Variants in ABCC6 observed in about 807,000 individuals in gnomAD.
ABCC6 encodes the protein ATP-binding cassette sub-family C member 6.
In ABCC6, 126 loss-of-function variants were observed where a neutral mutation model predicts 169.5. That is an observed-to-expected ratio of 0.74 (90% CI 0.64 to 0.86). ABCC6 has a LOEUF of 0.86. ABCC6 is among the 40% of genes least tolerant of loss of function. The probability of loss-of-function intolerance (pLI) is 0.00; values close to 1 mark genes in which losing one functional copy is unlikely to be tolerated. For synonymous variants in ABCC6, 752 were observed against 814.7 expected, an observed-to-expected ratio of 0.92 and a Z score of 1.31; for missense variants, 1,733 against 1,927.2, an observed-to-expected ratio of 0.90 and a Z score of 1.89.
chr16:16,150,512 TG>T, intron 30 of ABCC6, 65 bp downstream of exon 30: 1 of 1,564,948 alleles, frequency 6.4e-7, no homozygotes, highest in Non-Finnish European at 8.7e-7. Context: ...GGCCCAGGAC[TG>T]CCTCCGCCTC....
At position 16,177,470 on chromosome 16, in the gene ABCC6, C is replaced by T; in HGVS notation, c.2572G>A (p.Gly858Arg). 6.2e-7 allele frequency: 1 copy of T among 1,614,182 alleles called. No individual in the cohort carries two copies. Among genetic ancestry groups the T allele is most frequent in the Non-Finnish European group, 8.5e-7 (1 of 1,180,048 alleles). ...MCLLDQARQP[G>R]DRGEGETEPG... ...CTAGTACCTCCTTCTCCTCTATCTC[C>T]TGGCTGTCTGGCTTGATCCAGAAGA... Residue 858 changes from glycine to arginine, a missense_variant, in exon 19 of 31, where the codon GGA becomes AGA. Physicochemically the swap from Gly to Arg is moderately radical, Grantham distance 125. Coordinates refer to ENST00000205557, the MANE Select transcript of ABCC6 (RefSeq NM_001171.6).
chr16:16,166,651 G>A (rs551870659), intron 22 of ABCC6, among the ~76,000 whole-genome samples: 1 of 152,088 alleles, frequency 6.6e-6, no homozygotes, highest in South Asian at 2.1e-4. Context: ...AGGCCAAGGC[G>A]GGTGGATCAC....
rs114303883 is a variant in ABCC6 at position 16,182,534 on chromosome 16, C to T, written c.2125G>A (p.Glu709Lys). ...AGCTCCTGCCCGAAGCACACATTCT[C>T]TACCACAGAGGTGTTCTGCACCCAG... The part of the protein sequence containing the change: ...EAWVQNTSVV[E>K]NVCFGQELDP... Residue 709 changes from glutamate (E) to lysine (K), a missense_variant, in exon 17 of 31, where the codon GAG becomes AAG. Glu to Lys is a moderately conservative substitution (Grantham distance 56, BLOSUM62 1). Transcript: ENST00000205557. 45 of 1,614,080 alleles carry T rather than the reference C, an allele frequency of 2.8e-5. No individual in the cohort carries two copies. The East Asian group carries it at 3.3e-4, about 12-fold the overall frequency.
chr16:16,202,118 G>A lies in ABCC6; in HGVS notation c.1059C>T (p.Ala353=), dbSNP rs150016641. The A allele has an allele frequency of 1.9e-4, 313 of 1,613,948 alleles. No individual in the cohort carries two copies. The African/African-American group carries it at 2.8e-3, about 14-fold the overall frequency. The stretch of plus-strand genomic sequence containing the variant: ...GGCAGGCTGAGAGGAACATCAGCAC[G>A]GCGAGGAGGTAGCCCTTCCAGGCTG... ...KPPAWKGYLL[A]VLMFLSACLQ... is the part of the protein sequence containing the mutation. Residue 353 remains alanine (A), a synonymous_variant, in exon 9 of 31, where the codon GCC becomes GCT. Coordinates refer to ENST00000205557, the MANE Select transcript of ABCC6 (RefSeq NM_001171.6).
chr16:16,172,266 G>C (rs371888845), intron 21 of ABCC6, among the ~76,000 whole-genome samples: 37 of 135,584 alleles, frequency 2.7e-4, no homozygotes, highest in South Asian at 5.1e-4. Flanking sequence ...GGGTGGGATG[G>C]ATAAATGAGT....
chr16:16,182,752 T>C (rs1330043395), intron 16 of ABCC6, 52 bp downstream of exon 16: 2 of 1,611,474 alleles, frequency 1.2e-6, no homozygotes, highest in African/African-American at 1.3e-5. Context: ...AGCGAGGAAG[T>C]GGGACTTTCA....
At chr16:16,162,855 T>C (rs1439082557) in intron 24 of ABCC6, 138 bp downstream of exon 24, 22 of 1,139,952 alleles carry the variant, frequency 1.9e-5, no homozygotes, top group Non-Finnish European at 2.8e-5. Context: ...TGAGAACTGA[T>C]AGACTGCCTG....
intron 24 of ABCC6, 121 bp from the exon 25 acceptor site, chr16:16,161,685 C>T: frequency 7.6e-7 from 1 of 1,309,088 alleles, no homozygotes; most frequent in Non-Finnish European, 1.1e-6. Context: ...GCAATGGCCT[C>T]CACATGCAAC....
In ABCC6 at chr16:16,157,676, T is replaced by C. The variant is rs763831330; in HGVS notation, c.3869A>G (p.His1290Arg). Residue 1290 changes from histidine (H) to arginine (R), a missense_variant, in exon 27 of 31, where the codon CAC (histidine) becomes CGC (arginine). By Grantham distance (29) the His-to-Arg change is conservative. This residue lies in a region of ABCC6 where 1,601 missense variants were observed against 1,635.5 expected (regional missense o/e 0.98). Transcript: ENST00000205557. Reference protein sequence around the residue: ...LAVQGVSFKIHAGEKVGIVGR... With the variant: ...LAVQGVSFKIRAGEKVGIVGR... The stretch of plus-strand genomic sequence containing the variant: ...AGAACCACTCACCTTCTCTCCTGCG[T>C]GGATCTTGAAGGACACGCCCTGCAC... 1 of 1,614,120 alleles carries C rather than the reference T, an allele frequency of 6.2e-7. No homozygotes were observed. The highest frequency in any genetic ancestry group is 8.5e-7 in the Non-Finnish European group (1 of 1,180,000).
At position 16,192,941 on chromosome 16, in the gene ABCC6, G is replaced by C. The variant is rs1244598877; in HGVS notation, c.1339-19C>G. 5.0e-6 allele frequency: 8 copies of C among 1,607,616 alleles called. No homozygotes were observed. Among genetic ancestry groups the C allele is most frequent in the Non-Finnish European group, 6.0e-6 (7 of 1,174,464 alleles). ...CCAGGAGCTGGGGATAGAAGGGGCA[G>C]GATGTCAGGAGATCCCGAGGAGCCC... On this transcript the variant is annotated intron_variant, in intron 10 of 30. Coordinates refer to ENST00000205557, the MANE Select transcript of ABCC6 (RefSeq NM_001171.6).
At chr16:16,213,591 G>A (rs2048729169) in intron 5 of ABCC6, among the ~76,000 whole-genome samples, 1 of 120,866 alleles carries the variant, frequency 8.3e-6, no homozygotes, top group Non-Finnish European at 1.6e-5. Flanking sequence ...GTGGAGTTCC[G>A]CTCTTGTTGC....
At chr16:16,188,740 C>G in intron 13 of ABCC6, 91 bp downstream of exon 13, 1 of 1,500,974 alleles carries the variant, frequency 6.7e-7, no homozygotes, top group Non-Finnish European at 9.1e-7. Context: ...TGTCTTCCCT[C>G]TCCTCTGCAA....
intron 9 of ABCC6, among the ~76,000 whole-genome samples, chr16:16,198,465 C>T (rs4780601): frequency 4.6e-5 from 7 of 152,174 alleles, no homozygotes; most frequent in South Asian, 2.1e-4. Context: ...CTCACCATGT[C>T]GCAGGCACTG....
rs57745014 is a variant in ABCC6 at position 16,155,077 on chromosome 16, T to C, written c.3883-46A>G. ...AGGCCTGCTCTGACCAGAGGGTTTG[T>C]GGGCATTTATTGGGGAGATCTTTCT... On this transcript the variant is annotated intron_variant, in intron 27 of 30. Transcript: ENST00000205557. The C allele has an allele frequency of 3.7e-3, 5,688 of 1,533,288 alleles. 25 individuals carry two copies. The highest frequency in any genetic ancestry group is 4.1e-3 in the Non-Finnish European group (4,685 of 1,139,454). The allele number at this position is 1,533,288 out of a possible 1,614,324, so 95.0% of individuals were successfully genotyped here. A position where few individuals can be genotyped will look rare whatever the true frequency, so the allele number is the denominator to read the frequency against.
rs1370339579 is a variant in ABCC6, at chr16:16,188,969, T to A, written c.1641A>T (p.Ala547=). 1 of 1,612,708 alleles carries A rather than the reference T, an allele frequency of 6.2e-7. No homozygotes were observed. Among genetic ancestry groups the A allele is most frequent in the Admixed American group, 1.7e-5 (1 of 59,984 alleles). ...GAGTGTGGACAGCAAACACCACCAG[T>A]GCGACCTGGGGGGTGGGGGGGACAC... The part of the protein sequence containing the change: ...VSFQVSTFLV[A]LVVFAVHTLV... Residue 547 remains alanine, a synonymous_variant, in exon 13 of 31, where the codon GCA becomes GCT. Transcript: ENST00000205557.
In ABCC6 at chr16:16,157,765, A is replaced by C. The variant is rs1173703662; in HGVS notation, c.3780T>G (p.Pro1260=). The part of the protein sequence containing the change: ...LPTCAAQPPW[P]QGGQIEFRDF... The stretch of plus-strand genomic sequence containing the variant: ...CCCGGAACTCGATCTGCCCGCCCTG[A>C]GGCCAGGGGGGCTGAGCTGCACATG... The change falls in exon 27 of 31, where the codon CCT becomes CCG. Residue 1260 remains proline, a synonymous_variant. Coordinates refer to ENST00000205557, the MANE Select transcript of ABCC6 (RefSeq NM_001171.6). 4 of 1,613,590 alleles carry C rather than the reference A, an allele frequency of 2.5e-6. No individual in the cohort carries two copies. Among genetic ancestry groups the C allele is most frequent in the Non-Finnish European group, 3.4e-6 (4 of 1,179,984 alleles).
chr16:16,180,350 G>A (rs1183499607), intron 17 of ABCC6, among the ~76,000 whole-genome samples: 2 of 152,066 alleles, frequency 1.3e-5, no homozygotes, highest in African/African-American at 4.8e-5. Context: ...TTTGTATTGC[G>A]AACACAACCA....
At chr16:16,168,302 G>GCCTGGTGGCTCATGCCTGTGATCC (rs1567482473) in intron 22 of ABCC6, among the ~76,000 whole-genome samples, 5 of 151,914 alleles carry the variant, frequency 3.3e-5, no homozygotes, top group Non-Finnish European at 2.9e-5. Context: ...ACCAGCCTGG[G>GCCTGGTGGCTCATGCCTGTGATCC]CAACACGGCG....
At chr16:16,197,417 A>G (rs1279628856) in intron 10 of ABCC6, among the ~76,000 whole-genome samples, 1 of 150,736 alleles carries the variant, frequency 6.6e-6, no homozygotes, top group Non-Finnish European at 1.5e-5. Flanking sequence ...GAGGAGGAGA[A>G]GGAGGAGATG....
Sources: gnomAD v4.1 joint callset for allele counts (sites outside exome capture counted in the v4.1 genomes callset) on GRCh38, gnomAD v4.1.1 for gene constraint, gnomAD v4.1.1 regional missense constraint, MANE v1.5 for transcripts, NCBI Gene and HGNC (gene_info 2026-07-23, HGNC 2026-07-21) for gene names.